Variants in TENM3 observed in about 807,000 individuals in gnomAD.
TENM3 encodes the protein teneurin-3.
TENM3 carries 63 observed loss-of-function variants against 255.1 expected under a neutral mutation model. The ratio of observed to expected loss-of-function variants is 0.25; its 90% confidence interval spans 0.20 to 0.30. The LOEUF is 0.30. Ranked by LOEUF, TENM3 falls within the 10% of genes least tolerant of loss-of-function variation. TENM3 has a pLI of 1.00. For synonymous variants in TENM3, 1,306 were observed against 1,322.3 expected, an observed-to-expected ratio of 0.99 and a Z score of 0.27; for missense variants, 2,929 against 3,461.1, an observed-to-expected ratio of 0.85 and a Z score of 3.86.
the TENM3 span, among the ~76,000 whole-genome samples, chr4:181,814,648 G>A: frequency 6.6e-6 from 1 of 152,008 alleles, no homozygotes; most frequent in Non-Finnish European, 1.5e-5. Context: ...TTATTTGGGA[G>A]AGAAAAGCCT....
chr4:181,575,479 GA>G, the TENM3 span, among the ~76,000 whole-genome samples: 38 of 151,984 alleles, frequency 2.5e-4, no homozygotes, highest in Non-Finnish European at 4.7e-4. Context: ...TGGTACCACT[GA>G]AAAAAAGACA....
At chr4:181,895,646 G>C in the TENM3 span, among the ~76,000 whole-genome samples, 1 of 142,048 alleles carries the variant, frequency 7.0e-6, no homozygotes, top group Admixed American at 7.8e-5. Flanking sequence ...CTAGGCTCAA[G>C]CAATCCTCCC....
chr4:181,500,186 G>A, the TENM3 span, among the ~76,000 whole-genome samples: 1 of 151,892 alleles, frequency 6.6e-6, no homozygotes, highest in Non-Finnish European at 1.5e-5. Context: ...GTGTCACCAT[G>A]CCCGGCTAAT....
chr4:181,645,461 A>G, the TENM3 span, among the ~76,000 whole-genome samples: 1 of 152,208 alleles, frequency 6.6e-6, no homozygotes, highest in Non-Finnish European at 1.5e-5. Context: ...TTTGCCATGG[A>G]GGGACATTTG....
intron 4 of TENM3, among the ~76,000 whole-genome samples, chr4:182,616,701 TAC>T (rs1554000179): frequency 6.6e-6 from 1 of 152,028 alleles, no homozygotes; most frequent in Non-Finnish European, 1.5e-5. Flanking sequence ...TCAGGAATCT[TAC>T]AGAGCTTCTG....
intron 6 of TENM3, among the ~76,000 whole-genome samples, chr4:182,666,256 A>T (rs1279099796): frequency 6.6e-6 from 1 of 152,186 alleles, no homozygotes; most frequent in Admixed American, 6.5e-5. Context: ...ACAACAAAGG[A>T]TTTAGACTAT....
At chr4:182,687,273 A>G (rs867705556) in intron 11 of TENM3, among the ~76,000 whole-genome samples, 2 of 152,182 alleles carry the variant, frequency 1.3e-5, no homozygotes, top group African/African-American at 2.4e-5. Context: ...GCTAACTTTA[A>G]TCTTATATGT....
chr4:182,629,728 G>A lies in TENM3; in HGVS notation c.988+839G>A, dbSNP rs185418022. 8.7e-4 allele frequency among the ~76,000 whole-genome samples: 132 copies of A among 152,110 alleles called. 1 individual carries two copies. Among genetic ancestry groups the A allele is most frequent in the African/African-American group, 3.0e-3 (126 of 41,512 alleles). On this transcript the variant is annotated intron_variant, in intron 5 of 27. Coordinates refer to ENST00000511685, the MANE Select transcript of TENM3 (RefSeq NM_001080477.4). ...AGTGATGCATCCTCAGGTTTACAAA[G>A]CAATTTGTGATGCCCCATGAAATTC...
Position 182,679,926 on chromosome 4 carries a change from G to A in TENM3, c.1537+50G>A, listed in dbSNP as rs150816966. The A allele has an allele frequency of 3.2e-4, 473 of 1,482,558 alleles. 1 individual carries two copies. In the African/African-American group the frequency reaches 5.3e-3, roughly 16 times the overall value. The allele number at this position is 1,482,558 out of a possible 1,614,324, so 91.8% of individuals were successfully genotyped here. A position where few individuals can be genotyped will look rare whatever the true frequency, so the allele number is the denominator to read the frequency against. ...TTTTCCAGGCTATAGCCTAAACGCC[G>A]TGTTTAATAAAAACTAAATTATCTG... is the stretch of plus-strand genomic sequence containing the variant. On this transcript the variant is annotated intron_variant, in intron 8 of 27. Coordinates refer to ENST00000511685, the MANE Select transcript of TENM3 (RefSeq NM_001080477.4).
the TENM3 span, among the ~76,000 whole-genome samples, chr4:181,746,104 G>A: frequency 2.6e-5 from 4 of 152,112 alleles, no homozygotes; most frequent in African/African-American, 9.7e-5. Flanking sequence ...GATCAAAAGA[G>A]TGTAGGTGCA....
intron 4 of TENM3, among the ~76,000 whole-genome samples, chr4:182,620,948 G>A (rs1158735510): frequency 6.6e-6 from 1 of 152,192 alleles, no homozygotes; most frequent in Non-Finnish European, 1.5e-5. Context: ...GGGAGGCCAA[G>A]GCGGGTGGAT....
At chr4:181,644,201 A>G in the TENM3 span, among the ~76,000 whole-genome samples, 1 of 151,940 alleles carries the variant, frequency 6.6e-6, no homozygotes, top group South Asian at 2.1e-4. Context: ...CATTTCCTAC[A>G]TTTCCAAGCA....
chr4:182,300,990 T>G (rs929818925), intron 1 of TENM3, among the ~76,000 whole-genome samples: 1 of 152,214 alleles, frequency 6.6e-6, no homozygotes, highest in Non-Finnish European at 1.5e-5. Context: ...ATTAGTTTTC[T>G]GTTGCATTTG....
chr4:182,034,188 C>A, the TENM3 span, among the ~76,000 whole-genome samples: 1 of 152,126 alleles, frequency 6.6e-6, no homozygotes, highest in African/African-American at 2.4e-5. Context: ...ATGGGGGAGG[C>A]CACTCCCATG....
At chr4:182,747,959 G>T (rs951162958) in intron 19 of TENM3, among the ~76,000 whole-genome samples, 3 of 152,192 alleles carry the variant, frequency 2.0e-5, no homozygotes, top group African/African-American at 7.2e-5. Context: ...TCTAAAGGCT[G>T]TGACACAGTT....
the TENM3 span, among the ~76,000 whole-genome samples, chr4:181,849,709 T>C: frequency 0.46 from 69,159 of 151,920 alleles, 16,661 homozygotes; most frequent in South Asian, 0.6. Flanking sequence ...TATGACATTA[T>C]ACAGACATCA....
intron 1 of TENM3, among the ~76,000 whole-genome samples, chr4:182,165,986 G>T (rs1284824993): frequency 6.6e-6 from 1 of 152,080 alleles, no homozygotes; most frequent in Non-Finnish European, 1.5e-5. Context: ...CACCGCATTA[G>T]CCAGGATGGT....
At chr4:182,014,074 ATATATACGTATATATACGTGTATATACG>A in the TENM3 span, among the ~76,000 whole-genome samples, 7 of 84,168 alleles carry the variant, frequency 8.3e-5, no homozygotes, top group Non-Finnish European at 1.3e-4. Context: ...GTATATACAC[ATATATACGTATATATACGTGTATATACG>A]TATATACACA....
intron 6 of TENM3, among the ~76,000 whole-genome samples, chr4:182,668,651 G>A (rs773291368): frequency 1.7e-4 from 26 of 152,126 alleles, no homozygotes; most frequent in Admixed American, 7.9e-4. Context: ...GGACTAACAG[G>A]ATAAATAGAT....
Sources: gnomAD v4.1 joint callset for allele counts (sites outside exome capture counted in the v4.1 genomes callset) on GRCh38, gnomAD v4.1.1 for gene constraint, MANE v1.5 for transcripts, NCBI Gene and HGNC (gene_info 2026-07-23, HGNC 2026-07-21) for gene names.